The following OCIAD1 variants were observed in gnomAD, a reference collection of about 807,000 sequenced individuals.
OCIAD1 encodes OCIA domain containing 1, also known as OCIA domain-containing protein 1.
A neutral mutation model predicts 38.9 loss-of-function variants in OCIAD1; 29 were observed. The observed-to-expected ratio is 0.74, with a 90% CI of 0.55 to 1.02. OCIAD1 has a LOEUF of 1.02. OCIAD1 is among the 50% of genes least tolerant of loss of function. The pLI is 0.00. For synonymous variants in OCIAD1, 110 were observed against 92.0 expected (o/e 1.20, Z -1.12); for missense variants, 288 against 289.6 (o/e 0.99, Z 0.04).
rs1560409025 is a variant in OCIAD1 at position 48,822,860 on chromosome 4, G to GA, written c.-102-7715dup. On this transcript the variant is annotated intron_variant, in intron 1 of 6. Coordinates refer to the OCIAD1 transcript ENST00000504654. ...ATGAGATACCATCTTACACCAGTCA[G>GA]AATGGTGATTATTAAAAAGTCAGGA... Among the ~76,000 whole-genome samples the GA allele has an allele frequency of 6.6e-5, 10 of 152,332 alleles. No homozygotes were observed. The South Asian group carries it at 2.1e-3, about 32-fold the overall frequency.
intron 7 of OCIAD1, 23 bp from the exon 8 acceptor site, chr4:48,857,190 T>A (rs1291906115): frequency 6.9e-7 from 1 of 1,456,906 alleles, no homozygotes; most frequent in South Asian, 1.5e-5. Flanking sequence ...TTATTACCAT[T>A]TATTAACTGT....
intron 8 of OCIAD1, 150 bp downstream of exon 8, chr4:48,857,515 G>T: frequency 2.3e-6 from 1 of 437,570 alleles, no homozygotes; most frequent in Non-Finnish European, 3.9e-6. Flanking sequence ...GTACTTTACA[G>T]TTATCAGTTC....
intron 2 of OCIAD1, among the ~76,000 whole-genome samples, 185 bp from the exon 3 acceptor site, chr4:48,833,216 C>A (rs1777678856): frequency 6.6e-6 from 1 of 152,154 alleles, no homozygotes; most frequent in Non-Finnish European, 1.5e-5. Flanking sequence ...CGCGCCATTG[C>A]ACTCCAGCCT....
chr4:48,857,734 C>T (rs1040081156), intron 8 of OCIAD1, among the ~76,000 whole-genome samples: 3 of 151,972 alleles, frequency 2.0e-5, no homozygotes, highest in African/African-American at 4.8e-5. Flanking sequence ...AGGATGGTCT[C>T]GATCTTTTGA....
chr4:48,860,822 ATTACCTGCATGC>A lies in OCIAD1; in HGVS notation c.*63_*74del. The A allele has an allele frequency of 2.5e-6, 3 of 1,181,490 alleles. No individual in the cohort carries two copies. Among genetic ancestry groups the A allele is most frequent in the Non-Finnish European group, 3.8e-6 (3 of 790,244 alleles). The allele number at this position is 1,181,490 out of a possible 1,614,324, so 73.2% of individuals were successfully genotyped here. On this transcript the variant is annotated 3_prime_UTR_variant, in exon 9 of 9. Coordinates refer to ENST00000264312, the MANE Select transcript of OCIAD1 (RefSeq NM_017830.4). ...ATCCAGCTTCATCTAGGTGGTCATG[ATTACCTGCATGC>A]TTTGAGCTCAGCAGCAGTCTTCATA...
intron 7 of OCIAD1, among the ~76,000 whole-genome samples, chr4:48,852,875 G>GTTTTTTGTTTTTTT (rs1779623102): frequency 5.8e-5 from 4 of 69,128 alleles, no homozygotes; most frequent in African/African-American, 2.8e-4. Flanking sequence ...GTTTTTTTTT[G>GTTTTTTGTTTTTTT]TTTTTTGTTT....
chr4:48,832,517 A>G (rs1452864655), intron 1 of OCIAD1, 103 bp from the exon 2 acceptor site: 7 of 808,380 alleles, frequency 8.7e-6, no homozygotes, highest in East Asian at 2.5e-5. Context: ...TTGTTGATTG[A>G]TTGCTGTGTA....
At position 48,819,716 on chromosome 4, in the gene OCIAD1, C is replaced by CAAAAAA. The variant is rs576081813; in HGVS notation, c.-102-10838_-102-10833dup. Reference sequence around the variant, plus strand: ...GAGACGGAGGAATATTTACCAAGCGCAAAAAAAAAAAAAAAAAAAAAAAAA... The same window carrying CAAAAAA: ...GAGACGGAGGAATATTTACCAAGCGCAAAAAAAAAAAAAAAAAAAAAAAAAAAAAAA... On this transcript the variant is annotated intron_variant, in intron 1 of 6. Transcript: ENST00000504654. Among the ~76,000 whole-genome samples the CAAAAAA allele has an allele frequency of 5.3e-3, 55 of 10,452 alleles. 14 individuals are homozygous for CAAAAAA. Among genetic ancestry groups the CAAAAAA allele is most frequent in the African/African-American group, 0.011 (32 of 2,942 alleles). The allele number at this position is 10,452 out of a possible 152,430, so 6.9% of individuals were successfully genotyped here. A position where few individuals can be genotyped will look rare whatever the true frequency, so the allele number is the denominator to read the frequency against.
chr4:48,851,986 C>T lies in OCIAD1; in HGVS notation c.547+11C>T, dbSNP rs766380428. 1 of 1,579,788 alleles carries T rather than the reference C, an allele frequency of 6.3e-7. No individual in the cohort carries two copies. Among genetic ancestry groups the T allele is most frequent in the Admixed American group, 1.8e-5 (1 of 54,882 alleles). ...ATCATATTGTCCAAGGTAGAAACTT[C>T]TCTTGAAATGAATTTCAACATTTTA... is the stretch of plus-strand genomic sequence containing the variant. On this transcript the variant is annotated intron_variant, in intron 7 of 8. Coordinates refer to ENST00000264312, the MANE Select transcript of OCIAD1 (RefSeq NM_017830.4).
intron 1 of OCIAD1, among the ~76,000 whole-genome samples, chr4:48,811,018 G>T (rs890570622): frequency 6.6e-6 from 1 of 151,574 alleles, no homozygotes; most frequent in African/African-American, 2.4e-5. Flanking sequence ...ACCATGTCTG[G>T]CTAATTTTTT....
chr4:48,845,864 A>C (rs1447149220), intron 4 of OCIAD1, among the ~76,000 whole-genome samples: 1 of 152,264 alleles, frequency 6.6e-6, no homozygotes, highest in Non-Finnish European at 1.5e-5. Flanking sequence ...CTGTACTGCC[A>C]GCATAATTAA....
intron 1 of OCIAD1, 34 bp downstream of exon 1, chr4:48,831,283 C>G (rs1198603397): frequency 2.8e-6 from 1 of 354,626 alleles, no homozygotes; most frequent in East Asian, 7.5e-5. Context: ...CCCGTTGTTG[C>G]CCTCCGCGTA....
intron 8 of OCIAD1, among the ~76,000 whole-genome samples, chr4:48,858,141 G>A (rs983588686): frequency 1.3e-5 from 2 of 152,026 alleles, no homozygotes; most frequent in African/African-American, 2.4e-5. Context: ...ATGACGGAGC[G>A]AGGCTCTGTT....
At chr4:48,833,613 T>A in intron 3 of OCIAD1, 132 bp downstream of exon 3, 1 of 594,240 alleles carries the variant, frequency 1.7e-6, no homozygotes, top group East Asian at 2.8e-5. Flanking sequence ...GTGTGGTTGT[T>A]GTTAAAAGAG....
In OCIAD1 at chr4:48,861,278, T is replaced by G. The variant is rs1402143435; in HGVS notation, c.*516T>G. The G allele has an allele frequency of 6.6e-6, 1 of 152,540 alleles. No homozygotes were observed. Among genetic ancestry groups the G allele is most frequent in the Non-Finnish European group, 1.5e-5 (1 of 68,272 alleles). The allele number at this position is 152,540 out of a possible 1,614,324, so 9.4% of individuals were successfully genotyped here. On this transcript the variant is annotated 3_prime_UTR_variant, in exon 9 of 9. Coordinates refer to ENST00000264312, the MANE Select transcript of OCIAD1 (RefSeq NM_017830.4). Reference sequence around the variant, plus strand: ...CCTCATCTTCCTTGATTTTATGGTTTTATTGTTTGTAATTTATTGATTTAT... The same window carrying G: ...CCTCATCTTCCTTGATTTTATGGTTGTATTGTTTGTAATTTATTGATTTAT...
chr4:48,829,384 A>T (rs1777311114), upstream of OCIAD1, among the ~76,000 whole-genome samples: 1 of 152,008 alleles, frequency 6.6e-6, no homozygotes, highest in South Asian at 2.1e-4. Context: ...TTTTTCTCCT[A>T]TAAAAATGCA....
upstream of OCIAD1, among the ~76,000 whole-genome samples, chr4:48,829,322 A>AT (rs1777306266): frequency 6.6e-6 from 1 of 151,950 alleles, no homozygotes; most frequent in Non-Finnish European, 1.5e-5. Context: ...ATGTCTTCTA[A>AT]TTTTTTTATT....
At chr4:48,809,556 A>G (rs71595614) in intron 1 of OCIAD1, among the ~76,000 whole-genome samples, 1,970 of 152,192 alleles carry the variant, frequency 0.013, 16 homozygotes, top group Non-Finnish European at 0.019. Context: ...AATAAATAAA[A>G]AAAGTTAAAA....
intron 3 of OCIAD1, among the ~76,000 whole-genome samples, chr4:48,840,421 C>A (rs1180414625): frequency 6.6e-6 from 1 of 152,128 alleles, no homozygotes; most frequent in African/African-American, 2.4e-5. Flanking sequence ...TTCTAACTAG[C>A]CAACATTAAA....
Sources: allele counts gnomAD v4.1 joint callset (sites outside exome capture counted in the v4.1 genomes callset), GRCh38; gene constraint gnomAD v4.1.1; transcripts MANE v1.5; gene names NCBI Gene and HGNC (gene_info 2026-07-23, HGNC 2026-07-21).